ST18: variants seen among roughly 807,000 people sequenced by gnomAD.
The protein encoded by ST18 is suppression of tumorigenicity 18 protein.
A neutral mutation model predicts 110.0 loss-of-function variants in ST18; 50 were observed. The ratio of observed to expected loss-of-function variants is 0.45; its 90% CI spans 0.36 to 0.58. ST18 has a LOEUF of 0.58. Among genes scored for constraint, ST18 ranks in the 20% least tolerant of loss-of-function variants. The pLI is 0.00. For synonymous variants in ST18, 461 were observed against 452.4 expected, an observed-to-expected ratio of 1.02 and a Z score of -0.24; for missense variants, 1,306 against 1,280.1, an observed-to-expected ratio of 1.02 and a Z score of -0.31.
intron 2 of ST18, among the ~76,000 whole-genome samples, chr8:52,363,671 A>T (rs1271669320): frequency 1.3e-5 from 2 of 152,198 alleles, no homozygotes; most frequent in African/African-American, 4.8e-5. Flanking sequence ...CAAGATAAGG[A>T]GCCCAACTAA....
intron 14 of ST18, among the ~76,000 whole-genome samples, chr8:52,160,516 C>T (rs554610783): frequency 6.6e-6 from 1 of 152,164 alleles, no homozygotes; most frequent in East Asian, 1.9e-4. Context: ...CAAAGGGATT[C>T]TATGGCTATG....
intron 8 of ST18, among the ~76,000 whole-genome samples, chr8:52,188,392 T>C (rs1360409388): frequency 6.6e-6 from 1 of 152,012 alleles, no homozygotes; most frequent in Non-Finnish European, 1.5e-5. Flanking sequence ...AAACAGCAGG[T>C]GCAAGGGCCC....
Position 52,237,958 on chromosome 8 carries a change from G to A in ST18, c.-464-7881C>T, listed in dbSNP as rs560215716. 2.0e-5 allele frequency among the ~76,000 whole-genome samples: 3 copies of A among 152,256 alleles called. No homozygotes were observed. In the South Asian group the frequency reaches 6.2e-4, roughly 32 times the overall value. ...ATACAAATGAGCAATAAGCACATGA[G>A]AAGATGTTCAACATCATTAGTCATT... On this transcript the variant is annotated intron_variant, in intron 2 of 25. Transcript: ENST00000689386.
intron 8 of ST18, among the ~76,000 whole-genome samples, chr8:52,204,660 C>T (rs895631157): frequency 4.6e-5 from 7 of 152,192 alleles, no homozygotes; most frequent in African/African-American, 1.4e-4. Context: ...ATCCCTCAGT[C>T]AAGAGTGGCA....
chr8:52,307,173 G>A (rs2095828054), intron 2 of ST18, among the ~76,000 whole-genome samples: 2 of 152,176 alleles, frequency 1.3e-5, no homozygotes, highest in South Asian at 4.1e-4. Context: ...AAATCAAGAT[G>A]TGAACTTGAC....
At chr8:52,323,004 C>G (rs1034643135) in intron 2 of ST18, among the ~76,000 whole-genome samples, 1 of 152,176 alleles carries the variant, frequency 6.6e-6, no homozygotes, top group African/African-American at 2.4e-5. Context: ...CTGGGCATGG[C>G]CTCAGAGCTC....
intron 2 of ST18, among the ~76,000 whole-genome samples, chr8:52,294,950 T>C (rs1359420161): frequency 6.6e-6 from 1 of 152,244 alleles, no homozygotes; most frequent in Non-Finnish European, 1.5e-5. Flanking sequence ...CTGTGCTTTA[T>C]CTCTTAAAAC....
At chr8:52,319,744 A>T (rs981053912) in intron 2 of ST18, among the ~76,000 whole-genome samples, 2 of 152,252 alleles carry the variant, frequency 1.3e-5, no homozygotes, top group Middle Eastern at 3.4e-3. Context: ...TTCTGGTCAG[A>T]TGTGAACTGG....
At chr8:52,388,944 A>G (rs1838120382) in intron 2 of ST18, among the ~76,000 whole-genome samples, 1 of 148,758 alleles carries the variant, frequency 6.7e-6, no homozygotes, top group African/African-American at 2.5e-5. Context: ...GTGCACATGT[A>G]CCCTAAAACT....
intron 7 of ST18, among the ~76,000 whole-genome samples, chr8:52,213,046 A>T (rs929494857): frequency 1.3e-5 from 2 of 152,204 alleles, no homozygotes; most frequent in South Asian, 2.1e-4. Flanking sequence ...TTGCTCCGTA[A>T]AAAAGCTATT....
chr8:52,309,513 T>C (rs1238997119), intron 2 of ST18, among the ~76,000 whole-genome samples: 1 of 89,932 alleles, frequency 1.1e-5, no homozygotes, highest in Non-Finnish European at 1.9e-5. Flanking sequence ...AGAGCAAGAC[T>C]CCATCTCAAA....
intron 8 of ST18, chr8:52,206,381 CAA>C (rs2080075329): frequency 6.6e-6 from 1 of 152,214 alleles, no homozygotes; most frequent in African/African-American, 2.4e-5. Flanking sequence ...TGTTAAATTA[CAA>C]AGTCTTTTTT....
intron 23 of ST18, among the ~76,000 whole-genome samples, chr8:52,123,587 G>A (rs889348199): frequency 6.6e-6 from 1 of 152,192 alleles, no homozygotes; most frequent in South Asian, 2.1e-4. Context: ...ATTGTAAAAC[G>A]TGTACTTTTC....
At chr8:52,280,817 G>A (rs989062812) in intron 2 of ST18, among the ~76,000 whole-genome samples, 1 of 152,010 alleles carries the variant, frequency 6.6e-6, no homozygotes, top group Non-Finnish European at 1.5e-5. Context: ...GTAACTGATT[G>A]ATAAATCAGA....
At chr8:52,336,857 G>T (rs1373155371) in intron 2 of ST18, among the ~76,000 whole-genome samples, 4 of 152,200 alleles carry the variant, frequency 2.6e-5, no homozygotes, top group Non-Finnish European at 5.9e-5. Context: ...GTGTACGCAG[G>T]TGGGGGTTGT....
At chr8:52,343,743 T>C (rs929957416) in intron 2 of ST18, among the ~76,000 whole-genome samples, 2 of 152,226 alleles carry the variant, frequency 1.3e-5, no homozygotes, top group Non-Finnish European at 2.9e-5. Flanking sequence ...ATAATGGGAT[T>C]ACCTTATTTA....
rs1824449937 is a variant in ST18, at chr8:52,359,025, T to C, written c.-465+50303A>G. ...TAACATCATATTAAGAGGATTATACTCTATGATCAAGTGTGATTTATCCCA... is the reference window on the plus strand; with the variant it reads ...TAACATCATATTAAGAGGATTATACCCTATGATCAAGTGTGATTTATCCCA... On this transcript the variant is annotated intron_variant, in intron 2 of 25. Coordinates refer to ENST00000689386, the MANE Select transcript of ST18 (RefSeq NM_001352837.2). 2.0e-5 allele frequency among the ~76,000 whole-genome samples: 3 copies of C among 152,090 alleles called. No individual in the cohort carries two copies. In the South Asian group the frequency reaches 6.2e-4, roughly 32 times the overall value.
intron 22 of ST18, among the ~76,000 whole-genome samples, chr8:52,131,214 A>C (rs1188066256): frequency 6.6e-6 from 1 of 152,246 alleles, no homozygotes; most frequent in Non-Finnish European, 1.5e-5. Context: ...CGGTTTCCTA[A>C]AGCTTCATTG....
chr8:52,346,960 G>T (rs1019202083), intron 2 of ST18, among the ~76,000 whole-genome samples: 1 of 152,124 alleles, frequency 6.6e-6, no homozygotes, highest in African/African-American at 2.4e-5. Context: ...CAAAACCATG[G>T]TCTAAGTAAA....
Sources: gnomAD v4.1 joint callset for allele counts (sites outside exome capture counted in the v4.1 genomes callset) on GRCh38, gnomAD v4.1.1 for gene constraint, MANE v1.5 for transcripts, NCBI Gene and HGNC (gene_info 2026-07-23, HGNC 2026-07-21) for gene names.